The following ENTHD1 variants were observed in gnomAD, a reference collection of about 807,000 sequenced individuals.
ENTHD1 encodes ENTH domain containing 1.
ENTHD1 carries 23 observed loss-of-function variants against 39.1 expected under a neutral mutation model. The observed-to-expected ratio is 0.59, with a 90% confidence interval of 0.42 to 0.83. The LOEUF (loss-of-function observed/expected upper bound fraction) is 0.83. Ranked by LOEUF, ENTHD1 falls within the 40% of genes least tolerant of loss-of-function variation. The pLI is 0.00. For synonymous variants in ENTHD1, 230 were observed against 258.2 expected (o/e 0.89, Z 1.05); for missense variants, 624 against 705.4 (o/e 0.88, Z 1.31).
chr22:39,821,342 G>A (rs2065782053), intron 4 of ENTHD1, among the ~76,000 whole-genome samples: 1 of 152,142 alleles, frequency 6.6e-6, no homozygotes. Context: ...AGATAGCAAG[G>A]ATTTTGCTTA....
chr22:39,759,943 A>G (rs919698281), intron 6 of ENTHD1, among the ~76,000 whole-genome samples: 1 of 151,878 alleles, frequency 6.6e-6, no homozygotes, highest in Non-Finnish European at 1.5e-5. Context: ...TACTTTTTTA[A>G]GATTTCAATC....
chr22:39,873,017 G>T (rs537372870), intron 2 of ENTHD1, among the ~76,000 whole-genome samples: 1 of 151,236 alleles, frequency 6.6e-6, no homozygotes, highest in East Asian at 1.9e-4. Context: ...TAGAGACAGG[G>T]TCTCACTATG....
intron 3 of ENTHD1, among the ~76,000 whole-genome samples, chr22:39,861,080 A>G (rs1486703917): frequency 6.6e-6 from 1 of 152,214 alleles, no homozygotes; most frequent in Non-Finnish European, 1.5e-5. Context: ...CCTCATACGC[A>G]CATAACTAGA....
At chr22:39,808,110 G>C (rs2065658137) in intron 5 of ENTHD1, among the ~76,000 whole-genome samples, 1 of 152,134 alleles carries the variant, frequency 6.6e-6, no homozygotes, top group African/African-American at 2.4e-5. Context: ...TGTCTCATAA[G>C]ATTGTTATGA....
At chr22:39,821,525 C>G (rs1472329950) in intron 4 of ENTHD1, among the ~76,000 whole-genome samples, 2 of 152,144 alleles carry the variant, frequency 1.3e-5, no homozygotes, top group Non-Finnish European at 2.9e-5. Flanking sequence ...ATAATCAATC[C>G]AATCATGCAG....
At chr22:39,754,253 G>A (rs2065168136) in intron 6 of ENTHD1, among the ~76,000 whole-genome samples, 1 of 152,232 alleles carries the variant, frequency 6.6e-6, no homozygotes, top group Non-Finnish European at 1.5e-5. Context: ...CCCAGAGGCT[G>A]TAGTTTGCCA....
chr22:39,846,021 T>C (rs2065985205), intron 3 of ENTHD1, among the ~76,000 whole-genome samples: 1 of 152,192 alleles, frequency 6.6e-6, no homozygotes, highest in Admixed American at 6.5e-5. Context: ...AATAAATCCA[T>C]GCATTTATGG....
chr22:39,876,150 T>C, intron 2 of ENTHD1: 1 of 1,539,332 alleles, frequency 6.5e-7, no homozygotes, highest in Non-Finnish European at 8.8e-7. Context: ...TCTTTCAGTC[T>C]TTATGTCACC....
chr22:39,877,200 C>G (rs1308511254), intron 2 of ENTHD1, among the ~76,000 whole-genome samples: 2 of 152,212 alleles, frequency 1.3e-5, no homozygotes, highest in Non-Finnish European at 1.5e-5. Context: ...CTGTTTCTAG[C>G]TGTCCACCCA....
chr22:39,877,613 T>C (rs2066302204), intron 2 of ENTHD1, among the ~76,000 whole-genome samples: 1 of 152,136 alleles, frequency 6.6e-6, no homozygotes, highest in East Asian at 1.9e-4. Flanking sequence ...CCTCCCTCAC[T>C]TTTGTTTTAC....
Position 39,743,803 on chromosome 22 carries a change from C to G in ENTHD1, c.1700G>C (p.Ser567Thr). Residue 567 changes from serine (S) to threonine (T), a missense_variant, in exon 7 of 7, where the codon AGC becomes ACC. By Grantham distance (58) the Ser-to-Thr change is moderately conservative (BLOSUM62 1). Coordinates refer to ENST00000325157, the MANE Select transcript of ENTHD1 (RefSeq NM_152512.4). The stretch of plus-strand genomic sequence containing the variant: ...GACATTAAGTTCTTGGATCACTGTG[C>G]TCAGATCTTCATGTAATCTAGCGAT... ...RAIARLHEDL[S>T]TVIQELNVIN... 2 of 1,614,114 alleles carry G rather than the reference C, an allele frequency of 1.2e-6. No homozygotes were observed.
At chr22:39,787,116 A>T (rs891142809) in intron 5 of ENTHD1, among the ~76,000 whole-genome samples, 4 of 152,132 alleles carry the variant, frequency 2.6e-5, no homozygotes, top group African/African-American at 4.8e-5. Context: ...TGTTGTGGTG[A>T]TGTGTGATCA....
intron 5 of ENTHD1, among the ~76,000 whole-genome samples, chr22:39,789,450 T>C (rs2065486781): frequency 1.3e-5 from 2 of 152,166 alleles, no homozygotes; most frequent in South Asian, 4.1e-4. Context: ...ACTGATGTTT[T>C]AATTGGTAAC....
chr22:39,804,183 G>A (rs1015887250), intron 5 of ENTHD1, among the ~76,000 whole-genome samples: 7 of 151,358 alleles, frequency 4.6e-5, no homozygotes, highest in African/African-American at 1.5e-4. Context: ...AAAAGAAAAA[G>A]AAAAACAAAA....
At chr22:39,830,364 T>C (rs1184669708) in intron 4 of ENTHD1, among the ~76,000 whole-genome samples, 1 of 152,140 alleles carries the variant, frequency 6.6e-6, no homozygotes, top group Non-Finnish European at 1.5e-5. Flanking sequence ...TGCGAGCCAC[T>C]GTGCCCGGCC....
chr22:39,868,170 A>G (rs1373421437), intron 2 of ENTHD1, among the ~76,000 whole-genome samples: 1 of 152,120 alleles, frequency 6.6e-6, no homozygotes, highest in Non-Finnish European at 1.5e-5. Context: ...TAAAAGCAGG[A>G]GGATACACAT....
chr22:39,864,037 T>C (rs1035593111), intron 2 of ENTHD1, among the ~76,000 whole-genome samples: 4 of 152,256 alleles, frequency 2.6e-5, no homozygotes, highest in African/African-American at 9.6e-5. Flanking sequence ...TTGCATTCCA[T>C]AACCCGAATT....
intron 6 of ENTHD1, among the ~76,000 whole-genome samples, chr22:39,759,689 C>A (rs534022266): frequency 6.6e-6 from 1 of 151,838 alleles, no homozygotes; most frequent in East Asian, 1.9e-4. Context: ...GGCATTCTTC[C>A]TTTCTCATAT....
intron 5 of ENTHD1, among the ~76,000 whole-genome samples, chr22:39,803,784 A>G (rs2065618128): frequency 6.6e-6 from 1 of 152,218 alleles, no homozygotes; most frequent in Non-Finnish European, 1.5e-5. Flanking sequence ...ATATAATAGC[A>G]ATACTTCTCA....
Sources: gnomAD v4.1 joint callset for allele counts (sites outside exome capture counted in the v4.1 genomes callset) on GRCh38, gnomAD v4.1.1 for gene constraint, MANE v1.5 for transcripts, NCBI Gene and HGNC (gene_info 2026-07-23, HGNC 2026-07-21) for gene names.